CEP128: variants seen among roughly 807,000 people sequenced by gnomAD.
CEP128 encodes centrosomal protein 128, also known as centrosomal protein 128kDa.
CEP128 carries 132 observed loss-of-function variants against 156.7 expected under a neutral mutation model. That is an observed-to-expected ratio of 0.84 (90% CI 0.73 to 0.97). CEP128 has a LOEUF of 0.97. Ranked by LOEUF, CEP128 falls within the 50% of genes least tolerant of loss-of-function variation. The pLI, the probability that CEP128 is intolerant of heterozygous loss-of-function variation, is 0.00. For missense variants in CEP128, 1,252 were observed against 1,281.9 expected, an observed-to-expected ratio of 0.98 and a Z score of 0.36; for synonymous variants, 469 against 448.9, an observed-to-expected ratio of 1.04 and a Z score of -0.57.
intron 19 of CEP128, among the ~76,000 whole-genome samples, chr14:80,640,741 C>T (rs989068534): frequency 6.6e-5 from 10 of 152,162 alleles, no homozygotes; most frequent in African/African-American, 2.2e-4. Context: ...ATAAAAAGAA[C>T]TCCCAAATTG....
chr14:80,531,239 G>A (rs897747022), intron 21 of CEP128, among the ~76,000 whole-genome samples: 12 of 152,060 alleles, frequency 7.9e-5, no homozygotes, highest in Admixed American at 1.3e-4. Flanking sequence ...TAGACTATGA[G>A]GTAATACTGA....
chr14:80,946,376 G>C (rs1336916913), upstream of CEP128, among the ~76,000 whole-genome samples: 2 of 97,110 alleles, frequency 2.1e-5, no homozygotes, highest in South Asian at 3.8e-4. Flanking sequence ...GATGCATCAT[G>C]ATGATGCCTC....
At chr14:80,816,283 T>TCA (rs1884851614) in intron 13 of CEP128, among the ~76,000 whole-genome samples, 1 of 152,154 alleles carries the variant, frequency 6.6e-6, no homozygotes, top group South Asian at 2.1e-4. Context: ...ACCCTTGCTC[T>TCA]CAGTATAGGG....
In CEP128 at chr14:80,822,580, C is replaced by T. The variant is rs1334322407; in HGVS notation, c.1209+8563G>A. 1.2e-4 allele frequency: 81 copies of T among 702,028 alleles called. 1 individual carries two copies. The highest frequency in any genetic ancestry group is 1.2e-4 in the Admixed American group (7 of 56,538). 43.5% of individuals were successfully genotyped at this position (702,028 alleles called of 1,614,324 possible). A position where few individuals can be genotyped will look rare whatever the true frequency, so the allele number is the denominator to read the frequency against. On this transcript the variant is annotated intron_variant, in intron 13 of 24. Coordinates refer to ENST00000555265, the MANE Select transcript of CEP128 (RefSeq NM_152446.5). ...AAGGAGATAAAGCCAAGGTGAAGGACGAATCACACAGAAGATCCATGAGGT... is the reference window on the plus strand; with the variant it reads ...AAGGAGATAAAGCCAAGGTGAAGGATGAATCACACAGAAGATCCATGAGGT...
intron 18 of CEP128, 113 bp downstream of exon 18, chr14:80,756,779 A>C (rs1899682109): frequency 1.5e-6 from 1 of 678,866 alleles, no homozygotes; most frequent in Admixed American, 3.0e-5. Context: ...CCCTGCAATT[A>C]AGCATTATAG....
chr14:80,818,624 G>A (rs1372993279), intron 13 of CEP128, among the ~76,000 whole-genome samples: 1 of 152,226 alleles, frequency 6.6e-6, no homozygotes, highest in Admixed American at 6.5e-5. Context: ...CCCAGGTCAT[G>A]TGTAGTAAAA....
At chr14:80,772,588 T>C (rs904221605) in intron 16 of CEP128, among the ~76,000 whole-genome samples, 2 of 152,168 alleles carry the variant, frequency 1.3e-5, no homozygotes, top group Non-Finnish European at 2.9e-5. Flanking sequence ...CATCTGCAGA[T>C]GGCAAGGCTA....
At chr14:80,514,498 T>C (rs1158642292) in intron 23 of CEP128, among the ~76,000 whole-genome samples, 3 of 152,214 alleles carry the variant, frequency 2.0e-5, no homozygotes, top group Non-Finnish European at 2.9e-5. Flanking sequence ...GCAATTCTGC[T>C]TTTGAGTCAC....
At chr14:80,632,443 A>C (rs1014507035) in intron 19 of CEP128, among the ~76,000 whole-genome samples, 1 of 148,684 alleles carries the variant, frequency 6.7e-6, no homozygotes, top group African/African-American at 2.4e-5. Context: ...ATATATCAGT[A>C]TATTATTGTA....
intron 19 of CEP128, among the ~76,000 whole-genome samples, chr14:80,667,619 G>A (rs1370974305): frequency 6.6e-6 from 1 of 152,114 alleles, no homozygotes; most frequent in Non-Finnish European, 1.5e-5. Context: ...AGCACTTTGG[G>A]AGGCCAAGGC....
At chr14:80,774,174 G>A (rs932395420) in intron 16 of CEP128, among the ~76,000 whole-genome samples, 4 of 152,180 alleles carry the variant, frequency 2.6e-5, no homozygotes, top group African/African-American at 9.7e-5. Context: ...TACCACTGAT[G>A]CTAATGGTTT....
chr14:80,729,059 GTGTGTGTGTGTGTGT>G (rs1898146771), intron 19 of CEP128, among the ~76,000 whole-genome samples: 2 of 16,450 alleles, frequency 1.2e-4, no homozygotes, highest in African/African-American at 3.9e-4. Context: ...GCTGGTGGGG[GTGTGTGTGTGTGTGT>G]GTGTGTGTGT....
intron 19 of CEP128, among the ~76,000 whole-genome samples, chr14:80,625,707 C>T (rs191032636): frequency 5.3e-5 from 8 of 151,474 alleles, no homozygotes; most frequent in African/African-American, 1.7e-4. Context: ...TTCTTTCTTC[C>T]GTCCTCTCCT....
At chr14:80,834,115 T>C (rs1435286144) in intron 12 of CEP128, among the ~76,000 whole-genome samples, 3 of 152,210 alleles carry the variant, frequency 2.0e-5, no homozygotes, top group Non-Finnish European at 4.4e-5. Context: ...CTCTAGGTGA[T>C]AATTTTTAAT....
At chr14:80,580,863 CT>C (rs1435893481) in intron 19 of CEP128, among the ~76,000 whole-genome samples, 1 of 152,132 alleles carries the variant, frequency 6.6e-6, no homozygotes, top group Admixed American at 6.5e-5. Context: ...AGTTCCACCC[CT>C]ACAGTCAATT....
Position 80,568,260 on chromosome 14 carries a change from C to T in CEP128, c.2857-8958G>A, listed in dbSNP as rs113492201. The stretch of plus-strand genomic sequence containing the variant: ...AAAGTTTACAGAGAAACCCATATAA[C>T]CACAGAATCCTTCCTCCCACGCCGT... On this transcript the variant is annotated intron_variant, in intron 20 of 24. Coordinates refer to ENST00000555265, the MANE Select transcript of CEP128 (RefSeq NM_152446.5). 3.0e-3 allele frequency among the ~76,000 whole-genome samples: 451 copies of T among 152,280 alleles called. 3 individuals are homozygous for T. Among genetic ancestry groups the T allele is most frequent in the African/African-American group, 0.01 (432 of 41,550 alleles).
At chr14:80,579,494 A>G (rs540777059) in intron 20 of CEP128, among the ~76,000 whole-genome samples, 14 of 152,328 alleles carry the variant, frequency 9.2e-5, no homozygotes, top group African/African-American at 3.4e-4. Flanking sequence ...ACCATCAGGT[A>G]GAAGAATCCC....
chr14:80,819,054 C>T (rs1161460617), intron 13 of CEP128, among the ~76,000 whole-genome samples: 2 of 152,078 alleles, frequency 1.3e-5, no homozygotes, highest in Non-Finnish European at 2.9e-5. Flanking sequence ...CAAAGCACCA[C>T]AGACTGGGTG....
chr14:80,527,279 A>C, intron 22 of CEP128: 1 of 467,168 alleles, frequency 2.1e-6, no homozygotes. Context: ...AAAATACAAA[A>C]ACTAGTCAGA....
Sources: allele counts gnomAD v4.1 joint callset (sites outside exome capture counted in the v4.1 genomes callset), GRCh38; gene constraint gnomAD v4.1.1; transcripts MANE v1.5; gene names NCBI Gene and HGNC (gene_info 2026-07-23, HGNC 2026-07-21).